PYHIN1: variants seen among roughly 807,000 people sequenced by gnomAD.
PYHIN1 encodes pyrin and HIN domain family member 1, also known as pyrin and HIN domain-containing protein 1.
PYHIN1 carries 32 observed loss-of-function variants against 43.7 expected under a neutral mutation model. The ratio of observed to expected loss-of-function variants is 0.73; its 90% CI spans 0.55 to 0.98. The LOEUF (loss-of-function observed/expected upper bound fraction) is 0.98, where lower values mean the gene tolerates loss of function less well. Ranked by LOEUF, PYHIN1 falls within the 50% of genes least tolerant of loss-of-function variation. The pLI is 0.00. For missense variants in PYHIN1, 588 were observed against 589.5 expected (o/e 1.00, Z 0.03); for synonymous variants, 205 against 203.1 (o/e 1.01, Z -0.08).
intron 7 of PYHIN1, among the ~76,000 whole-genome samples, chr1:158,949,873 TGA>T (rs1649437923): frequency 6.6e-6 from 1 of 152,230 alleles, no homozygotes; most frequent in African/African-American, 2.4e-5. Flanking sequence ...TTACCCAGTT[TGA>T]GGCTGCCTGC....
chr1:158,976,806 T>G lies in PYHIN1; in HGVS notation c.*111T>G, dbSNP rs927457177. On this transcript the variant is annotated 3_prime_UTR_variant, in exon 9 of 9. Transcript: ENST00000368140. ...AAAAACCTGATGCCATTGGTAATGA[T>G]GTTTATGAAGATAAGATCAAAGCAC... The G allele has an allele frequency of 1.2e-5, 12 of 979,614 alleles. No individual in the cohort carries two copies. The highest frequency in any genetic ancestry group is 1.9e-5 in the Non-Finnish European group (12 of 622,004). The allele number at this position is 979,614 out of a possible 1,614,324, so 60.7% of individuals were successfully genotyped here. A position where few individuals can be genotyped will look rare whatever the true frequency, so the allele number is the denominator to read the frequency against.
At chr1:158,960,160 G>T (rs1650243604) in intron 7 of PYHIN1, among the ~76,000 whole-genome samples, 1 of 152,086 alleles carries the variant, frequency 6.6e-6, no homozygotes, top group South Asian at 2.1e-4. Flanking sequence ...TAACTATATT[G>T]CCTCAATAGT....
the PYHIN1 span, among the ~76,000 whole-genome samples, chr1:158,989,176 G>T: frequency 6.6e-6 from 1 of 152,210 alleles, no homozygotes. Context: ...CACAGATGGA[G>T]AGGACTTTTG....
intron 1 of PYHIN1, among the ~76,000 whole-genome samples, chr1:158,936,058 T>TTTA (rs769135459): frequency 7.4e-4 from 112 of 151,860 alleles, no homozygotes; most frequent in East Asian, 6.6e-3. Context: ...AACTCTTTCT[T>TTTA]TTATTATTAT....
Position 158,933,103 on chromosome 1 carries a change from G to C in PYHIN1, c.-21+1327G>C, listed in dbSNP as rs562230491. Among the ~76,000 whole-genome samples, 1 of 151,238 alleles carries C rather than the reference G, an allele frequency of 6.6e-6. No individual in the cohort carries two copies. The highest frequency in any genetic ancestry group is 2.4e-5 in the African/African-American group (1 of 41,196). On this transcript the variant is annotated intron_variant, in intron 1 of 8. Transcript: ENST00000368140. The surrounding 1 kb of genome is among the most constrained non-coding windows in gnomAD (Gnocchi z 6.3). ...AATATAGAACCTCCTATTATAAGAC[G>C]GTATTTTCTTGTACTCCTCTCAAAT...
At position 158,963,867 on chromosome 1, in the gene PYHIN1, A is replaced by G. The variant is rs1187626855; in HGVS notation, c.1360-9780A>G. 2.6e-5 allele frequency among the ~76,000 whole-genome samples: 4 copies of G among 152,352 alleles called. No individual in the cohort carries two copies. In the East Asian group the frequency reaches 7.7e-4, roughly 29 times the overall value. ...AAAAGATTGCACTAGTTCCCCAGCA[A>G]GGGTTCTTAACCAGGCTGAAATGGC... On this transcript the variant is annotated intron_variant, in intron 7 of 8. Coordinates refer to ENST00000368140, the MANE Select transcript of PYHIN1 (RefSeq NM_152501.5).
chr1:158,943,756 T>C (rs761428490), intron 5 of PYHIN1, 34 bp from the exon 6 acceptor site: 68 of 1,538,562 alleles, frequency 4.4e-5, no homozygotes, highest in Non-Finnish European at 6.0e-5. Context: ...AGTTACTATG[T>C]TCTCACAAAC....
intron 7 of PYHIN1, among the ~76,000 whole-genome samples, chr1:158,951,358 GA>G (rs150120307): frequency 0.02 from 3,118 of 152,246 alleles, 108 homozygotes; most frequent in African/African-American, 0.07. Flanking sequence ...AGCAATTGCT[GA>G]AGTCAGAGAA....
At chr1:158,950,622 C>T (rs1182976590) in intron 7 of PYHIN1, among the ~76,000 whole-genome samples, 1 of 152,178 alleles carries the variant, frequency 6.6e-6, no homozygotes, top group Non-Finnish European at 1.5e-5. Flanking sequence ...AGAGAGGTTT[C>T]AGCAAAGTGC....
chr1:158,981,342 G>A (rs1463955116), downstream of PYHIN1, among the ~76,000 whole-genome samples: 4 of 152,136 alleles, frequency 2.6e-5, no homozygotes, highest in South Asian at 2.1e-4. Flanking sequence ...GTGGTGGCAG[G>A]CACCTGTAGT....
chr1:158,936,841 T>C (rs879797454), intron 1 of PYHIN1, 50 bp from the exon 2 acceptor site: 1 of 1,273,002 alleles, frequency 7.9e-7, no homozygotes, highest in Non-Finnish European at 1.1e-6. Context: ...CATCTTCTTT[T>C]AAATTCTCTG....
Position 158,976,923 on chromosome 1 carries a change from A to G in PYHIN1, c.*228A>G, listed in dbSNP as rs543444133. 8.6e-6 allele frequency: 2 copies of G among 231,532 alleles called. No individual in the cohort carries two copies. Among genetic ancestry groups the G allele is most frequent in the Admixed American group, 1.1e-4 (2 of 17,744 alleles). 14.3% of individuals were successfully genotyped at this position (231,532 alleles called of 1,614,324 possible). A position where few individuals can be genotyped will look rare whatever the true frequency, so the allele number is the denominator to read the frequency against. On this transcript the variant is annotated 3_prime_UTR_variant, in exon 9 of 9. Transcript: ENST00000368140. ...ATATATATATATATATATACCAGCT[A>G]TTAATTCTAGGAAATGGAGTATTAA... is the stretch of plus-strand genomic sequence containing the variant.
chr1:158,948,014 A>AT (rs1649318957), intron 7 of PYHIN1, among the ~76,000 whole-genome samples: 1 of 152,186 alleles, frequency 6.6e-6, no homozygotes, highest in Non-Finnish European at 1.5e-5. Flanking sequence ...CTAGAACTTC[A>AT]TCTTAAAATT....
chr1:158,949,792 T>C (rs1649431813), intron 7 of PYHIN1, among the ~76,000 whole-genome samples: 1 of 152,142 alleles, frequency 6.6e-6, no homozygotes, highest in African/African-American at 2.4e-5. Context: ...CTGTTGGACA[T>C]TTGGGTTGGT....
the PYHIN1 span, among the ~76,000 whole-genome samples, chr1:158,985,372 G>T: frequency 6.6e-6 from 1 of 152,148 alleles, no homozygotes; most frequent in Non-Finnish European, 1.5e-5. Context: ...CTTAGTGTTT[G>T]TTTGTCTGAA....
intron 2 of PYHIN1, 28 bp downstream of exon 2, chr1:158,937,203 C>A: frequency 1.9e-6 from 3 of 1,539,638 alleles, no homozygotes; most frequent in Non-Finnish European, 2.6e-6. Context: ...ACACCCACTC[C>A]CTGCAATGAT....
chr1:158,947,776 A>C (rs1173012433), intron 7 of PYHIN1, among the ~76,000 whole-genome samples: 1 of 152,260 alleles, frequency 6.6e-6, no homozygotes, highest in East Asian at 1.9e-4. Flanking sequence ...ACCTGTAGGT[A>C]ATTAATCTGA....
downstream of PYHIN1, among the ~76,000 whole-genome samples, chr1:158,981,709 C>T (rs1295140732): frequency 6.6e-6 from 1 of 152,074 alleles, no homozygotes; most frequent in African/African-American, 2.4e-5. Context: ...AAAACTGGAC[C>T]TCTTCCTTTC....
chr1:158,959,419 G>A (rs1192964286), intron 7 of PYHIN1, among the ~76,000 whole-genome samples: 1 of 150,874 alleles, frequency 6.6e-6, no homozygotes, highest in Non-Finnish European at 1.5e-5. Context: ...ATGCACCCGC[G>A]GTTGATCAAA....
Sources: gnomAD v4.1 joint callset for allele counts (sites outside exome capture counted in the v4.1 genomes callset) on GRCh38, gnomAD v4.1.1 for gene constraint, Gnocchi (gnomAD v3.1) non-coding constraint, MANE v1.5 for transcripts, NCBI Gene and HGNC (gene_info 2026-07-23, HGNC 2026-07-21) for gene names.